The following DAOA variants were observed in gnomAD, a reference collection of about 807,000 sequenced individuals.
DAOA encodes the protein D-amino acid oxidase regulator.
A neutral mutation model predicts 16.4 loss-of-function variants in DAOA; 15 were observed. The observed-to-expected ratio is 0.91, with a 90% CI of 0.61 to 1.41. DAOA has a LOEUF of 1.41. DAOA is among the 40% of genes most tolerant of loss of function. The pLI, the probability that DAOA is intolerant of heterozygous loss-of-function variation, is 0.00. For synonymous variants in DAOA, 75 were observed against 59.1 expected, an observed-to-expected ratio of 1.27 and a Z score of -1.23; for missense variants, 230 against 176.8, an observed-to-expected ratio of 1.30 and a Z score of -1.71.
chr13:105,472,565 C>A lies in DAOA; in HGVS notation c.161C>A (p.Thr54Lys), dbSNP rs751993855. The change falls in exon 4 of 6, where the codon ACG (threonine) becomes AAG (lysine). Residue 54 changes from threonine to lysine, a missense_variant. Coordinates refer to ENST00000375936, the MANE Select transcript of DAOA (RefSeq NM_172370.5). ...AAGGAGACAGAAGAAGGAAGAGAGA[C>A]GGTAACAAGGAAAGAAGGATGGAAG... Reference protein sequence around the residue: ...IAKETEEGRETVTRKEGWKRR... With the variant: ...IAKETEEGREKVTRKEGWKRR... 6.2e-7 allele frequency: 1 copy of A among 1,613,590 alleles called. No homozygotes were observed. Among genetic ancestry groups the A allele is most frequent in the Non-Finnish European group, 8.5e-7 (1 of 1,179,846 alleles).
rs775893874 is a variant in DAOA, at chr13:105,467,133, A to T, written c.125A>T (p.Asn42Ile). The part of the protein sequence containing the change: ...ILLSKSENSL[N>I]SIAKETEEGR... Reference sequence around the variant, plus strand: ...CTGAGCAAATCTGAAAACTCTCTAAACTCTATTGGTATGTTACTCTTTATC... The same window carrying T: ...CTGAGCAAATCTGAAAACTCTCTAATCTCTATTGGTATGTTACTCTTTATC... The change falls in exon 3 of 6, where the codon AAC (asparagine) becomes ATC (isoleucine). Residue 42 changes from asparagine (N) to isoleucine (I), a missense_variant. By Grantham distance (149) the Asn-to-Ile change is moderately radical. Transcript: ENST00000375936. 5.6e-6 allele frequency: 9 copies of T among 1,608,156 alleles called. No homozygotes were observed. The highest frequency in any genetic ancestry group is 3.3e-4 in the Middle Eastern group (2 of 6,044).
chr13:105,466,353 T>TA, intron 2 of DAOA, 21 bp downstream of exon 2: 5 of 1,613,892 alleles, frequency 3.1e-6, no homozygotes, highest in Non-Finnish European at 4.2e-6. Context: ...TGGGGTTTTT[T>TA]ACAGCATGGC....
rs1428127800 is a variant in DAOA at position 105,466,231 on chromosome 13, T to C, written c.-58T>C. 1.9e-6 allele frequency: 3 copies of C among 1,612,104 alleles called. No homozygotes were observed. Among genetic ancestry groups the C allele is most frequent in the Non-Finnish European group, 2.5e-6 (3 of 1,179,010 alleles). On this transcript the variant is annotated 5_prime_UTR_variant, in exon 2 of 6. An upstream start codon of the reference 5' UTR is lost. Transcript: ENST00000375936. ...GTTGGTCCAGGATTTGGAAAGGGCA[T>C]GGCAGGAGGTCTCATCTCTGCTTCA...
At chr13:105,480,637 G>C (rs527434176) in intron 4 of DAOA, among the ~76,000 whole-genome samples, 1 of 152,112 alleles carries the variant, frequency 6.6e-6, no homozygotes, top group Non-Finnish European at 1.5e-5. Flanking sequence ...CCATCTGCAA[G>C]CTGGAGATCC....
rs775658021 is a variant in DAOA, at chr13:105,489,963, C to T, written c.344C>T (p.Ala115Val). 3 of 1,613,534 alleles carry T rather than the reference C, an allele frequency of 1.9e-6. No individual in the cohort carries two copies. Among genetic ancestry groups the T allele is most frequent in the African/African-American group, 1.3e-5 (1 of 74,844 alleles). ...VFMARNYEFL[A>V]YEASKDRRQP... The stretch of plus-strand genomic sequence containing the variant: ...ATGGCAAGAAACTATGAGTTCCTTG[C>T]CTATGAGGCCTCTAAGGACCGCAGG... The change falls in exon 5 of 6, where the codon GCC (alanine) becomes GTC (valine). Residue 115 changes from alanine (A) to valine (V), a missense_variant. Transcript: ENST00000375936.
At chr13:105,480,462 CAGAT>C (rs10582007) in intron 4 of DAOA, among the ~76,000 whole-genome samples, 5,621 of 151,716 alleles carry the variant, frequency 0.037, 135 homozygotes, top group South Asian at 0.062. Context: ...GTTCTCCAGA[CAGAT>C]AGAACCAATA....
rs541889638 is a variant in DAOA, at chr13:105,489,014, A to G, written c.282-887A>G. The stretch of plus-strand genomic sequence containing the variant: ...TGCTCTGATGAATTAACGATTCACC[A>G]GGAGAGACAAACAGTGTGAACACAC... On this transcript the variant is annotated intron_variant, in intron 4 of 5. Transcript: ENST00000375936. 2.2e-4 allele frequency among the ~76,000 whole-genome samples: 34 copies of G among 152,332 alleles called. No individual in the cohort carries two copies. In the South Asian group the frequency reaches 6.6e-3, roughly 30 times the overall value.
intron 4 of DAOA, 144 bp from the exon 5 acceptor site, chr13:105,489,757 C>T (rs1184090285): frequency 6.5e-7 from 1 of 1,541,028 alleles, no homozygotes; most frequent in East Asian, 2.3e-5. Context: ...GGTGGTCACA[C>T]ATTTGTATAA....
At position 105,489,963 on chromosome 13, in the gene DAOA, C is replaced by A. The variant is rs775658021; in HGVS notation, c.344C>A (p.Ala115Asp). The A allele has an allele frequency of 1.5e-5, 25 of 1,613,534 alleles. No individual in the cohort carries two copies. The highest frequency in any genetic ancestry group is 2.1e-5 in the Non-Finnish European group (25 of 1,179,856). The change falls in exon 5 of 6, where the codon GCC (alanine) becomes GAC (aspartate). Residue 115 changes from alanine (A) to aspartate (D), a missense_variant. Ala to Asp is a moderately radical substitution (Grantham distance 126). Coordinates refer to ENST00000375936, the MANE Select transcript of DAOA (RefSeq NM_172370.5). ...VFMARNYEFL[A>D]YEASKDRRQP... ...ATGGCAAGAAACTATGAGTTCCTTG[C>A]CTATGAGGCCTCTAAGGACCGCAGG...
intron 4 of DAOA, among the ~76,000 whole-genome samples, chr13:105,477,889 T>C (rs961751953): frequency 2.0e-5 from 3 of 152,218 alleles, no homozygotes; most frequent in Non-Finnish European, 4.4e-5. Context: ...TTCTATGTCT[T>C]GAACATTAAT....
chr13:105,486,182 A>C (rs976547284), intron 4 of DAOA, among the ~76,000 whole-genome samples: 3 of 152,136 alleles, frequency 2.0e-5, no homozygotes, highest in South Asian at 2.1e-4. Context: ...CCAGGATCTA[A>C]AACATGATCT....
chr13:105,467,227 T>C (rs1876587516), intron 3 of DAOA, 86 bp downstream of exon 3: 1 of 1,363,566 alleles, frequency 7.3e-7, no homozygotes, highest in Non-Finnish European at 9.9e-7. Flanking sequence ...ACTTTTGACA[T>C]ATTTTCAAGC....
At chr13:105,482,505 A>C (rs7989006) in intron 4 of DAOA, among the ~76,000 whole-genome samples, 38,293 of 144,374 alleles carry the variant, frequency 0.27, 5,206 homozygotes, top group Non-Finnish European at 0.29. Flanking sequence ...CCTTGGTGTA[A>C]GTTTTTTTTT....
chr13:105,469,648 T>C (rs1459554702), intron 3 of DAOA, among the ~76,000 whole-genome samples: 2 of 152,212 alleles, frequency 1.3e-5, no homozygotes, highest in African/African-American at 2.4e-5. Flanking sequence ...CAATTATCGT[T>C]TCCCTACTCT....
intron 4 of DAOA, among the ~76,000 whole-genome samples, chr13:105,488,510 T>C (rs1878289975): frequency 1.3e-5 from 2 of 152,234 alleles, no homozygotes; most frequent in Non-Finnish European, 2.9e-5. Flanking sequence ...CTTACGTATA[T>C]ATTTCAAAGA....
chr13:105,471,077 C>T (rs1385791958), intron 3 of DAOA, among the ~76,000 whole-genome samples: 2 of 152,068 alleles, frequency 1.3e-5, no homozygotes, highest in Non-Finnish European at 2.9e-5. Context: ...CATGAGCCAC[C>T]GTGCCCGGCC....
chr13:105,486,640 C>A (rs1387154289), intron 4 of DAOA, among the ~76,000 whole-genome samples: 1 of 149,922 alleles, frequency 6.7e-6, no homozygotes, highest in Non-Finnish European at 1.5e-5. Flanking sequence ...TCTTTTGAGA[C>A]AGAGTTTCAC....
At position 105,473,156 on chromosome 13, in the gene DAOA, A is replaced by AGTGT. The variant is rs10691575; in HGVS notation, c.281+490_281+493dup. On this transcript the variant is annotated intron_variant, in intron 4 of 5. Transcript: ENST00000375936. ...GTAAATTTCACACTGCCTACGTGAG[A>AGTGT]GTGTGTGTGTGTGTGTGTGTGTTTG... Among the ~76,000 whole-genome samples the AGTGT allele has an allele frequency of 9.1e-3, 1,354 of 149,166 alleles. 15 individuals carry two copies. The highest frequency in any genetic ancestry group is 0.045 in the Middle Eastern group (13 of 286).
At chr13:105,473,056 C>T (rs971737571) in intron 4 of DAOA, among the ~76,000 whole-genome samples, 6 of 151,930 alleles carry the variant, frequency 3.9e-5, no homozygotes, top group African/African-American at 1.5e-4. Context: ...TCTTTAGAAC[C>T]TCAAGGCTAT....
Sources: gnomAD v4.1 joint callset for allele counts (sites outside exome capture counted in the v4.1 genomes callset) on GRCh38, gnomAD v4.1.1 for gene constraint, MANE v1.5 for transcripts, NCBI Gene and HGNC (gene_info 2026-07-23, HGNC 2026-07-21) for gene names.